ARF4: variants seen among roughly 807,000 people sequenced by gnomAD.
ARF4 encodes ARF GTPase 4.
In ARF4, 5 loss-of-function variants were observed where a neutral mutation model predicts 24.3. The ratio of observed to expected loss-of-function variants is 0.21; its 90% CI spans 0.11 to 0.43. The LOEUF is 0.43. Ranked by LOEUF, ARF4 falls within the 20% of genes least tolerant of loss-of-function variation. The pLI, the probability that ARF4 is intolerant of heterozygous loss-of-function variation, is 1.00. For missense variants in ARF4, 107 were observed against 213.0 expected (o/e 0.50, Z 3.10); for synonymous variants, 62 against 73.5 (o/e 0.84, Z 0.80).
rs2069843314 is a variant in ARF4, at chr3:57,571,542, C to T, written c.*670G>A. Reference sequence around the variant, plus strand: ...TCAGGCTGATAACAAAAGCAACATGCAACATAAAAAAGACACAATATAAAG... The same window carrying T: ...TCAGGCTGATAACAAAAGCAACATGTAACATAAAAAAGACACAATATAAAG... On this transcript the variant is annotated 3_prime_UTR_variant, in exon 6 of 6. Transcript: ENST00000303436. The T allele has an allele frequency of 6.6e-6, 1 of 152,490 alleles. No individual in the cohort carries two copies. The highest frequency in any genetic ancestry group is 1.5e-5 in the Non-Finnish European group (1 of 68,048). The allele number at this position is 152,490 out of a possible 1,614,324, so 9.4% of individuals were successfully genotyped here.
At chr3:57,587,319 CAAAA>C (rs56787111) in intron 1 of ARF4, among the ~76,000 whole-genome samples, 1 of 45,408 alleles carries the variant, frequency 2.2e-5, no homozygotes, top group Non-Finnish European at 4.7e-5. Context: ...AACTCAGTCT[CAAAA>C]AAAAAAAAAA....
At chr3:57,577,234 T>C in intron 4 of ARF4, 82 bp downstream of exon 4, 1 of 1,128,388 alleles carries the variant, frequency 8.9e-7, no homozygotes, top group Non-Finnish European at 1.3e-6. Context: ...AATCTAATCA[T>C]AGTCAAAATG....
At chr3:57,582,914 G>C (rs1201228550) in intron 3 of ARF4, among the ~76,000 whole-genome samples, 1 of 152,314 alleles carries the variant, frequency 6.6e-6, no homozygotes, top group South Asian at 2.1e-4. Flanking sequence ...AGTTAGATTA[G>C]AACAGTGGTT....
intron 1 of ARF4, among the ~76,000 whole-genome samples, chr3:57,590,097 A>AAATAAATC (rs1171048784): frequency 5.9e-5 from 8 of 135,846 alleles, no homozygotes; most frequent in Middle Eastern, 7.5e-3. Context: ...CTCAATAAAT[A>AAATAAATC]AATAAATAAA....
In ARF4 at chr3:57,575,688, TA is replaced by T; in HGVS notation, c.331-16del. On this transcript the variant is annotated splice_polypyrimidine_tract_variant and intron_variant, in intron 4 of 5. Transcript: ENST00000303436. Reference sequence around the variant, plus strand: ...TCTACCAGAAGCTGGAAATAAAAGGTAAGGCATTAACAACTACCAACCGGAA... The same window carrying T: ...TCTACCAGAAGCTGGAAATAAAAGGTAGGCATTAACAACTACCAACCGGAA... 1 of 1,603,642 alleles carries T rather than the reference TA, an allele frequency of 6.2e-7. No homozygotes were observed. Among genetic ancestry groups the T allele is most frequent in the African/African-American group, 1.3e-5 (1 of 74,524 alleles).
In ARF4 at chr3:57,597,264, G is replaced by A. The variant is rs965158315; in HGVS notation, c.-124C>T. On this transcript the variant is annotated 5_prime_UTR_variant, in exon 1 of 6. Transcript: ENST00000303436. ...GAGAAAGAGCGGAGGAAGAAAGAGG[G>A]AGGCAGAAACGTCTCAGTGGCCCCT... 1.9e-5 allele frequency: 18 copies of A among 972,178 alleles called. 1 individual carries two copies. The highest frequency in any genetic ancestry group is 4.9e-5 in the African/African-American group (3 of 61,218). The allele number at this position is 972,178 out of a possible 1,614,324, so 60.2% of individuals were successfully genotyped here.
Position 57,583,956 on chromosome 3 carries a change from T to C in ARF4, c.200A>G (p.Asp67Gly). Reference sequence around the variant, plus strand: ...CCTAATTCTATCTTGACCACCAACATCCCATACTGTGAAACAAATGTTCTT... The same window carrying C: ...CCTAATTCTATCTTGACCACCAACACCCCATACTGTGAAACAAATGTTCTT... Reference protein sequence around the residue: ...EYKNICFTVWDVGGQDRIRPL... With the variant: ...EYKNICFTVWGVGGQDRIRPL... The change falls in exon 3 of 6, where the codon GAT becomes GGT. Residue 67 changes from aspartate (D) to glycine (G), a missense_variant. Asp to Gly is a moderately conservative substitution (Grantham distance 94, BLOSUM62 -1). Transcript: ENST00000303436. The C allele has an allele frequency of 6.2e-7, 1 of 1,612,960 alleles. No individual in the cohort carries two copies. Among genetic ancestry groups the C allele is most frequent in the Non-Finnish European group, 8.5e-7 (1 of 1,179,302 alleles).
chr3:57,577,247 C>G (rs2069917413), intron 4 of ARF4, 69 bp downstream of exon 4: 1 of 1,310,806 alleles, frequency 7.6e-7, no homozygotes, highest in South Asian at 1.2e-5. Flanking sequence ...TCAAAATGTA[C>G]TAAACCACCA....
intron 1 of ARF4, among the ~76,000 whole-genome samples, chr3:57,586,666 TTA>T (rs1405800890): frequency 6.6e-6 from 1 of 152,126 alleles, no homozygotes; most frequent in Admixed American, 6.6e-5. Context: ...AAACCAACTG[TTA>T]TACAAGTGTT....
intron 4 of ARF4, 93 bp from the exon 5 acceptor site, chr3:57,575,766 A>T (rs1036803707): frequency 1.6e-6 from 2 of 1,289,320 alleles, no homozygotes; most frequent in African/African-American, 3.1e-5. Flanking sequence ...CATTAAATAC[A>T]TTATTAAACA....
chr3:57,589,423 G>T (rs2070078543), intron 1 of ARF4, among the ~76,000 whole-genome samples: 2 of 151,942 alleles, frequency 1.3e-5, no homozygotes, highest in Admixed American at 6.6e-5. Flanking sequence ...GCAAGATCCT[G>T]TCTCAAACAA....
chr3:57,578,780 A>G (rs1410909854), intron 3 of ARF4, among the ~76,000 whole-genome samples: 1 of 152,052 alleles, frequency 6.6e-6, no homozygotes, highest in East Asian at 1.9e-4. Context: ...CACCTGGCCC[A>G]TTATTAGAAT....
At chr3:57,593,405 A>G (rs2070137822) in intron 1 of ARF4, among the ~76,000 whole-genome samples, 1 of 152,210 alleles carries the variant, frequency 6.6e-6, no homozygotes, top group African/African-American at 2.4e-5. Context: ...TAAGAAACAA[A>G]TATAAAACAC....
At chr3:57,580,397 T>C (rs1369640104) in intron 3 of ARF4, among the ~76,000 whole-genome samples, 1 of 152,092 alleles carries the variant, frequency 6.6e-6, no homozygotes, top group Admixed American at 6.6e-5. Flanking sequence ...TCCATTTTTT[T>C]GTTTCTTCTT....
At position 57,579,233 on chromosome 3, in the gene ARF4, G is replaced by A. The variant is rs1433928305; in HGVS notation, c.259-1846C>T. 9.9e-5 allele frequency among the ~76,000 whole-genome samples: 8 copies of A among 81,152 alleles called. No individual in the cohort carries two copies. The East Asian group carries it at 4.2e-3, about 43-fold the overall frequency. The allele number at this position is 81,152 out of a possible 152,430, so 53.2% of individuals were successfully genotyped here. A position where few individuals can be genotyped will look rare whatever the true frequency, so the allele number is the denominator to read the frequency against. On this transcript the variant is annotated intron_variant, in intron 3 of 5. Transcript: ENST00000303436. ...GGCGCCATTGCACTCCAGCCTGGGC[G>A]ACAAGAGCAAACTACATCTCAAAAA...
intron 3 of ARF4, among the ~76,000 whole-genome samples, chr3:57,580,056 G>C (rs1041503656): frequency 6.6e-6 from 1 of 152,136 alleles, no homozygotes; most frequent in Non-Finnish European, 1.5e-5. Context: ...AGTGAGCCAT[G>C]ATCATGCCAC....
intron 1 of ARF4, among the ~76,000 whole-genome samples, chr3:57,595,924 C>T (rs995596515): frequency 7.3e-5 from 11 of 151,384 alleles, no homozygotes; most frequent in Non-Finnish European, 1.5e-4. Context: ...GCACTCCAGC[C>T]TGGGTGACAA....
intron 1 of ARF4, among the ~76,000 whole-genome samples, chr3:57,585,604 T>C (rs2070026607): frequency 6.6e-6 from 1 of 151,728 alleles, no homozygotes; most frequent in Admixed American, 6.6e-5. Flanking sequence ...ACCCTAGAAC[T>C]TAAAGTATAA....
intron 1 of ARF4, among the ~76,000 whole-genome samples, chr3:57,591,421 T>G (rs558379226): frequency 2.0e-5 from 3 of 151,680 alleles, no homozygotes; most frequent in Non-Finnish European, 4.4e-5. Flanking sequence ...AAGAATGAAG[T>G]ACTAATATAC....
Sources: gnomAD v4.1 joint callset for allele counts (sites outside exome capture counted in the v4.1 genomes callset) on GRCh38, gnomAD v4.1.1 for gene constraint, MANE v1.5 for transcripts, NCBI Gene and HGNC (gene_info 2026-07-23, HGNC 2026-07-21) for gene names.